EIPR1: variants seen among roughly 807,000 people sequenced by gnomAD.
EIPR1 encodes the protein EARP complex and GARP complex interacting protein 1, also known as EARP and GARP complex-interacting protein 1.
EIPR1 carries 25 observed loss-of-function variants against 48.1 expected under a neutral mutation model. The ratio of observed to expected loss-of-function variants is 0.52; its 90% CI spans 0.38 to 0.73. The LOEUF is 0.73. EIPR1 is among the 30% of genes least tolerant of loss of function. EIPR1 has a pLI of 0.00. For missense variants in EIPR1, 415 were observed against 506.2 expected, an observed-to-expected ratio of 0.82 and a Z score of 1.73; for synonymous variants, 204 against 201.9, an observed-to-expected ratio of 1.01 and a Z score of -0.09.
intron 2 of EIPR1, among the ~76,000 whole-genome samples, chr2:3,352,173 G>C (rs1309670131): frequency 2.5e-5 from 3 of 121,268 alleles, no homozygotes; most frequent in African/African-American, 6.3e-5. Flanking sequence ...TGTCTGTTCC[G>C]GACACCTTTG....
At chr2:3,227,727 G>C (rs781609855) in intron 4 of EIPR1, among the ~76,000 whole-genome samples, 1 of 152,206 alleles carries the variant, frequency 6.6e-6, no homozygotes, top group Non-Finnish European at 1.5e-5. Context: ...CCAGGCCTAC[G>C]GCCCCCCTGC....
chr2:3,339,814 G>A (rs1437663957), intron 2 of EIPR1, among the ~76,000 whole-genome samples: 5 of 152,238 alleles, frequency 3.3e-5, no homozygotes, highest in Admixed American at 3.3e-4. Flanking sequence ...GCCGGGCGTG[G>A]TGGCGGGCAC....
chr2:3,320,512 T>C (rs1290661996), intron 3 of EIPR1: 1 of 152,600 alleles, frequency 6.6e-6, no homozygotes, highest in Non-Finnish European at 1.5e-5. Context: ...TGCTAGGCTA[T>C]GTTAACATTT....
At chr2:3,194,322 T>A in intron 6 of EIPR1, 156 bp from the exon 7 acceptor site, 1 of 776,030 alleles carries the variant, frequency 1.3e-6, no homozygotes, top group East Asian at 2.7e-5. Context: ...AGGAAGAGGC[T>A]GGCGCCACCT....
intron 3 of EIPR1, among the ~76,000 whole-genome samples, chr2:3,287,176 C>T (rs959074953): frequency 2.6e-5 from 4 of 152,232 alleles, no homozygotes; most frequent in South Asian, 2.1e-4. Context: ...CCACAAAGCT[C>T]GTCCACCACA....
At chr2:3,336,051 G>A (rs62119494) in intron 3 of EIPR1, among the ~76,000 whole-genome samples, 26,155 of 152,078 alleles carry the variant, frequency 0.17, 2,437 homozygotes, top group Non-Finnish European at 0.21. Flanking sequence ...CAGAGTGCAG[G>A]CCTAGGAAGG....
chr2:3,197,961 C>T (rs892507352), intron 5 of EIPR1, among the ~76,000 whole-genome samples: 3 of 152,194 alleles, frequency 2.0e-5, no homozygotes, highest in Non-Finnish European at 2.9e-5. Context: ...GCCCAATGAC[C>T]GAGCTGGTGC....
intron 5 of EIPR1, among the ~76,000 whole-genome samples, chr2:3,205,616 C>T (rs1389238554): frequency 6.6e-6 from 1 of 152,244 alleles, no homozygotes; most frequent in African/African-American, 2.4e-5. Context: ...CAAATACAAC[C>T]TAACTGTGGC....
intron 3 of EIPR1, among the ~76,000 whole-genome samples, chr2:3,274,647 A>G (rs1667794843): frequency 6.6e-6 from 1 of 152,198 alleles, no homozygotes; most frequent in Non-Finnish European, 1.5e-5. Flanking sequence ...TTAAAAAAAA[A>G]AAATTAAGCG....
At chr2:3,342,919 G>T (rs1458807511) in intron 2 of EIPR1, among the ~76,000 whole-genome samples, 2 of 152,178 alleles carry the variant, frequency 1.3e-5, no homozygotes, top group Non-Finnish European at 2.9e-5. Flanking sequence ...GTTCAAACAG[G>T]ATGCCATCAA....
intron 6 of EIPR1, among the ~76,000 whole-genome samples, chr2:3,196,620 A>C (rs4854104): frequency 0.92 from 140,562 of 152,256 alleles, 65,562 homozygotes; most frequent in Non-Finnish European, 0.97. Flanking sequence ...TAGTTTTCAT[A>C]ATAAACTCCT....
chr2:3,359,652 G>A (rs1366510772), intron 1 of EIPR1, among the ~76,000 whole-genome samples: 1 of 151,968 alleles, frequency 6.6e-6, no homozygotes, highest in African/African-American at 2.4e-5. Context: ...ATTTAATTTG[G>A]GCCATTCTGG....
chr2:3,317,144 G>A (rs1669331770), intron 3 of EIPR1, among the ~76,000 whole-genome samples: 1 of 151,454 alleles, frequency 6.6e-6, no homozygotes, highest in African/African-American at 2.4e-5. Flanking sequence ...AGAGCCCCAG[G>A]AGCGCATGAG....
At chr2:3,232,962 G>A (rs1465900998) in intron 4 of EIPR1, among the ~76,000 whole-genome samples, 2 of 152,290 alleles carry the variant, frequency 1.3e-5, no homozygotes, top group Non-Finnish European at 1.5e-5. Flanking sequence ...TTGCCTTTGC[G>A]AAGTCTCACG....
intron 1 of EIPR1, among the ~76,000 whole-genome samples, chr2:3,372,801 A>G (rs1323318700): frequency 6.6e-6 from 1 of 152,252 alleles, no homozygotes; most frequent in African/African-American, 2.4e-5. Context: ...TACCAGAGGT[A>G]TAAGGAGGAA....
chr2:3,283,962 A>AAAAGAAAG (rs1251927587), intron 3 of EIPR1, among the ~76,000 whole-genome samples: 2 of 142,560 alleles, frequency 1.4e-5, no homozygotes, highest in African/African-American at 5.2e-5. Context: ...AAAAAAAAAA[A>AAAAGAAAG]AAAGAAAGAA....
At chr2:3,274,138 G>A (rs1233581843) in intron 3 of EIPR1, among the ~76,000 whole-genome samples, 1 of 152,214 alleles carries the variant, frequency 6.6e-6, no homozygotes, top group Non-Finnish European at 1.5e-5. Flanking sequence ...GCGTGGGAAT[G>A]TGGGAGATAG....
At chr2:3,296,494 C>A (rs1361453145) in intron 3 of EIPR1, among the ~76,000 whole-genome samples, 64 of 148,490 alleles carry the variant, frequency 4.3e-4, no homozygotes, top group Admixed American at 8.1e-4. Context: ...ATCCTCTCCA[C>A]ACACACCCTC....
intron 7 of EIPR1, among the ~76,000 whole-genome samples, 188 bp from the exon 8 acceptor site, chr2:3,192,769 C>T (rs1558212301): frequency 1.3e-5 from 2 of 151,944 alleles, no homozygotes. Flanking sequence ...GCAGGTTTCT[C>T]TTAAGTCCCA....
Sources: allele counts gnomAD v4.1 joint callset (sites outside exome capture counted in the v4.1 genomes callset), GRCh38; gene constraint gnomAD v4.1.1; transcripts MANE v1.5; gene names NCBI Gene and HGNC (gene_info 2026-07-23, HGNC 2026-07-21).